CHST8: variants seen among roughly 807,000 people sequenced by gnomAD.
CHST8 encodes carbohydrate sulfotransferase 8.
A neutral mutation model predicts 15.0 loss-of-function variants in CHST8; 10 were observed. The observed-to-expected ratio is 0.67, with a 90% CI of 0.41 to 1.13. The LOEUF (loss-of-function observed/expected upper bound fraction) is 1.13. CHST8 is among the 50% of genes most tolerant of loss of function. The pLI, the probability that CHST8 is intolerant of heterozygous loss-of-function variation, is 0.00. For synonymous variants in CHST8, 259 were observed against 256.6 expected, an observed-to-expected ratio of 1.01 and a Z score of -0.09; for missense variants, 634 against 608.2, an observed-to-expected ratio of 1.04 and a Z score of -0.45.
intron 3 of CHST8, among the ~76,000 whole-genome samples, chr19:33,757,587 A>AGAAAGAAAGAAG (rs1568359101): frequency 6.2e-5 from 9 of 144,314 alleles, no homozygotes; most frequent in South Asian, 2.2e-4. Flanking sequence ...AAAGAAAGAA[A>AGAAAGAAAGAAG]GAAAGAAAGA....
intron 2 of CHST8, chr19:33,684,578 T>C (rs1428472909): frequency 6.6e-6 from 1 of 152,270 alleles, no homozygotes; most frequent in Non-Finnish European, 1.5e-5. Flanking sequence ...ATTAGAGCGG[T>C]TTTAATTAGC....
Position 33,689,119 on chromosome 19 carries a change from T to C in CHST8, c.-86-57T>C, listed in dbSNP as rs1199584037. ...TTGGATTGCTGCAGTGAGCAGGGCC[T>C]ACACCTGCCCGGGTGCCTCGCGCCT... On this transcript the variant is annotated intron_variant, in intron 2 of 4. Transcript: ENST00000650847. 3.0e-6 allele frequency: 3 copies of C among 986,380 alleles called. No individual in the cohort carries two copies. The East Asian group carries it at 9.2e-5, about 30-fold the overall frequency. 61.1% of individuals were successfully genotyped at this position (986,380 alleles called of 1,614,324 possible). A position where few individuals can be genotyped will look rare whatever the true frequency, so the allele number is the denominator to read the frequency against.
At chr19:33,686,894 C>T (rs916814529) in intron 2 of CHST8, among the ~76,000 whole-genome samples, 19 of 152,228 alleles carry the variant, frequency 1.2e-4, no homozygotes, top group African/African-American at 2.4e-4. Context: ...TGCTTAGGTC[C>T]GTGGGTGCGG....
chr19:33,763,127 G>C (rs567155536), intron 3 of CHST8, among the ~76,000 whole-genome samples: 1 of 152,266 alleles, frequency 6.6e-6, no homozygotes, highest in African/African-American at 2.4e-5. Flanking sequence ...CAAAGTGCTA[G>C]AATTACAAGT....
intron 3 of CHST8, among the ~76,000 whole-genome samples, chr19:33,689,600 T>C (rs1319333514): frequency 6.6e-6 from 1 of 152,244 alleles, no homozygotes; most frequent in Non-Finnish European, 1.5e-5. Context: ...AGCCAGTGCC[T>C]AGCAGCAGGG....
At chr19:33,666,490 T>C (rs948735048) in intron 1 of CHST8, among the ~76,000 whole-genome samples, 6 of 152,054 alleles carry the variant, frequency 3.9e-5, no homozygotes, top group African/African-American at 1.4e-4. Flanking sequence ...AGAGTTACAC[T>C]GCAGAGAAGA....
At chr19:33,724,619 C>CT (rs1973859974) in intron 3 of CHST8, among the ~76,000 whole-genome samples, 2 of 152,222 alleles carry the variant, frequency 1.3e-5, no homozygotes, top group Non-Finnish European at 2.9e-5. Flanking sequence ...CTGCATCTGC[C>CT]TCGGAAGGCC....
intron 3 of CHST8, among the ~76,000 whole-genome samples, chr19:33,748,413 C>G (rs1329493996): frequency 6.6e-6 from 1 of 152,250 alleles, no homozygotes; most frequent in Non-Finnish European, 1.5e-5. Context: ...ACAGGGCTAC[C>G]CGCTCGTTGG....
intron 1 of CHST8, among the ~76,000 whole-genome samples, chr19:33,627,104 G>A (rs1056898039): frequency 1.6e-4 from 19 of 120,730 alleles, no homozygotes; most frequent in Admixed American, 1.1e-3. Flanking sequence ...TTTTTGGGGG[G>A]GGGGCGGGTG....
chr19:33,675,176 T>C (rs1242449365), intron 2 of CHST8, among the ~76,000 whole-genome samples: 1 of 152,108 alleles, frequency 6.6e-6, no homozygotes, highest in East Asian at 1.9e-4. Flanking sequence ...CCAGGGCAGT[T>C]TCATCCCGCT....
chr19:33,689,499 C>A, intron 3 of CHST8, 108 bp downstream of exon 3: 1 of 1,296,938 alleles, frequency 7.7e-7, no homozygotes, highest in Non-Finnish European at 1.0e-6. Context: ...AGGGGCAAGT[C>A]TGTGCCAAGA....
Position 33,645,826 on chromosome 19 carries a change from A to G in CHST8, c.-163-21941A>G, listed in dbSNP as rs144949805. Among the ~76,000 whole-genome samples the G allele has an allele frequency of 1.2e-3, 182 of 152,320 alleles. 1 individual carries two copies. The highest frequency in any genetic ancestry group is 4.2e-3 in the African/African-American group (176 of 41,564). On this transcript the variant is annotated intron_variant, in intron 1 of 4. Coordinates refer to ENST00000650847, the MANE Select transcript of CHST8 (RefSeq NM_001127895.2). ...CAGAGAAGAGCAGGAGTATTACAGCAGAAAAAGAGTTTAGTGAGGGCCAGG... is the reference window on the plus strand; with the variant it reads ...CAGAGAAGAGCAGGAGTATTACAGCGGAAAAAGAGTTTAGTGAGGGCCAGG...
intron 3 of CHST8, among the ~76,000 whole-genome samples, chr19:33,700,118 G>A (rs991555252): frequency 1.3e-5 from 2 of 152,182 alleles, no homozygotes. Flanking sequence ...GCTGGTACCT[G>A]CCCCTCCAGT....
chr19:33,623,027 C>T (rs983718284), intron 1 of CHST8, among the ~76,000 whole-genome samples: 1 of 152,194 alleles, frequency 6.6e-6, no homozygotes, highest in Non-Finnish European at 1.5e-5. Flanking sequence ...TGCAGACCCG[C>T]TCTGGCCTCG....
At chr19:33,743,013 G>A (rs1283567160) in intron 3 of CHST8, among the ~76,000 whole-genome samples, 2 of 152,308 alleles carry the variant, frequency 1.3e-5, no homozygotes, top group African/African-American at 4.8e-5. Context: ...TCATGCTGGT[G>A]CTTCCTGAAC....
In CHST8 at chr19:33,734,619, T is replaced by C. The variant is rs530891527; in HGVS notation, c.131-36794T>C. Among the ~76,000 whole-genome samples, 10 of 152,202 alleles carry C rather than the reference T, an allele frequency of 6.6e-5. No individual in the cohort carries two copies. The South Asian group carries it at 2.1e-3, about 32-fold the overall frequency. ...CCAGGAGAACGCCCTGCCATCGTTG[T>C]CCCAACTGCAGGAGCTCAGGGAGAG... On this transcript the variant is annotated intron_variant, in intron 3 of 4. Coordinates refer to ENST00000650847, the MANE Select transcript of CHST8 (RefSeq NM_001127895.2).
Position 33,740,595 on chromosome 19 carries a change from G to A in CHST8, c.131-30818G>A, listed in dbSNP as rs561252263. 6.6e-5 allele frequency among the ~76,000 whole-genome samples: 10 copies of A among 152,334 alleles called. No homozygotes were observed. The East Asian group carries it at 9.6e-4, about 15-fold the overall frequency. ...GTCATACCACTGTGTTGAAACTGCA[G>A]CACGAAGTTTCTCTGCCTCTTCTTT... On this transcript the variant is annotated intron_variant, in intron 3 of 4. Transcript: ENST00000650847.
At chr19:33,649,520 C>T (rs1038847859) in intron 1 of CHST8, among the ~76,000 whole-genome samples, 1 of 152,138 alleles carries the variant, frequency 6.6e-6, no homozygotes. Flanking sequence ...ACGGGCTGGC[C>T]AAATACGCAT....
At chr19:33,691,872 A>G (rs189986763) in intron 3 of CHST8, among the ~76,000 whole-genome samples, 11 of 152,312 alleles carry the variant, frequency 7.2e-5, no homozygotes, top group Non-Finnish European at 1.2e-4. Flanking sequence ...TACGGAGGAA[A>G]TTCCATACCA....
Sources: gnomAD v4.1 joint callset for allele counts (sites outside exome capture counted in the v4.1 genomes callset) on GRCh38, gnomAD v4.1.1 for gene constraint, MANE v1.5 for transcripts, NCBI Gene and HGNC (gene_info 2026-07-23, HGNC 2026-07-21) for gene names.